NCAM2: variants seen among roughly 807,000 people sequenced by gnomAD.
NCAM2 encodes the protein N-CAM-2.
A neutral mutation model predicts 98.1 loss-of-function variants in NCAM2; 30 were observed. The observed-to-expected ratio is 0.31, with a 90% CI of 0.23 to 0.41. The LOEUF is 0.41. Among genes scored for constraint, NCAM2 ranks in the 10% least tolerant of loss-of-function variants. The pLI is 1.00. For missense variants in NCAM2, 867 were observed against 1,005.8 expected (o/e 0.86, Z 1.87); for synonymous variants, 368 against 342.4 (o/e 1.07, Z -0.83).
intron 16 of NCAM2, among the ~76,000 whole-genome samples, chr21:21,533,222 T>TC (rs545836201): frequency 1.9e-3 from 250 of 134,568 alleles, no homozygotes; most frequent in African/African-American, 6.6e-3. Flanking sequence ...AATTTTAATA[T>TC]CCTATATCCA....
intron 1 of NCAM2, among the ~76,000 whole-genome samples, chr21:21,146,546 G>GATAT (rs201917811): frequency 0.021 from 1,074 of 50,360 alleles, 10 homozygotes; most frequent in African/African-American, 0.037. Flanking sequence ...ATACTTACAG[G>GATAT]ATATATATAT....
chr21:21,088,236 C>G (rs977278322), intron 1 of NCAM2, among the ~76,000 whole-genome samples: 2 of 152,086 alleles, frequency 1.3e-5, no homozygotes, highest in Admixed American at 6.5e-5. Context: ...GCATCATATC[C>G]TTTTTAAGCC....
intron 1 of NCAM2, among the ~76,000 whole-genome samples, chr21:21,020,471 C>T (rs528058214): frequency 6.6e-6 from 1 of 152,328 alleles, no homozygotes; most frequent in South Asian, 2.1e-4. Flanking sequence ...TTCTCTTCAT[C>T]TGTAACTCAC....
chr21:21,365,976 G>A (rs1157856141), intron 8 of NCAM2, among the ~76,000 whole-genome samples: 1 of 192 alleles, frequency 5.2e-3, no homozygotes, highest in East Asian at 0.17. Flanking sequence ...TCCCGTTTTA[G>A]GCAGGAAAAA....
chr21:21,396,486 C>G (rs1255886258), intron 9 of NCAM2, among the ~76,000 whole-genome samples: 1 of 152,092 alleles, frequency 6.6e-6, no homozygotes, highest in Non-Finnish European at 1.5e-5. Flanking sequence ...CTGGTAGTAC[C>G]TCTGCTTGGG....
intron 1 of NCAM2, chr21:21,223,665 T>C (rs2147145616): frequency 6.6e-6 from 1 of 152,268 alleles, no homozygotes; most frequent in South Asian, 2.1e-4. Context: ...TGTTATGTGA[T>C]ATATAGCAGA....
chr21:21,044,839 T>C (rs8134456), intron 1 of NCAM2, among the ~76,000 whole-genome samples: 141,526 of 151,938 alleles, frequency 0.93, 66,738 homozygotes, highest in East Asian at 1. Flanking sequence ...GTGGCGTGCA[T>C]CTGTGGTTCT....
At chr21:21,244,518 C>A (rs567594843) in intron 1 of NCAM2, among the ~76,000 whole-genome samples, 1 of 151,950 alleles carries the variant, frequency 6.6e-6, no homozygotes, top group Admixed American at 6.6e-5. Flanking sequence ...TTATCATATA[C>A]GTTGTATATT....
chr21:21,495,595 T>C (rs1255116479), intron 15 of NCAM2, among the ~76,000 whole-genome samples: 1 of 152,068 alleles, frequency 6.6e-6, no homozygotes, highest in Non-Finnish European at 1.5e-5. Context: ...TATTTATTTG[T>C]TACTGAATTC....
chr21:21,247,252 G>A (rs1216857054), intron 1 of NCAM2, among the ~76,000 whole-genome samples: 1 of 152,100 alleles, frequency 6.6e-6, no homozygotes, highest in Non-Finnish European at 1.5e-5. Context: ...CCGGGAGGCG[G>A]AGCTTGCAGT....
At chr21:21,313,439 T>C (rs951320527) in intron 5 of NCAM2, among the ~76,000 whole-genome samples, 1 of 151,970 alleles carries the variant, frequency 6.6e-6, no homozygotes, top group African/African-American at 2.4e-5. Context: ...TTTTTATCAT[T>C]ATGTAATATT....
rs868521389 is a variant in NCAM2, at chr21:21,479,616, T to C, written c.2077+2145T>C. Among the ~76,000 whole-genome samples the C allele has an allele frequency of 7.0e-3, 799 of 114,650 alleles. 6 individuals are homozygous for C. The highest frequency in any genetic ancestry group is 0.023 in the African/African-American group (768 of 33,862). The allele number at this position is 114,650 out of a possible 152,430, so 75.2% of individuals were successfully genotyped here. A position where few individuals can be genotyped will look rare whatever the true frequency, so the allele number is the denominator to read the frequency against. On this transcript the variant is annotated intron_variant, in intron 15 of 17. Coordinates refer to ENST00000400546, the MANE Select transcript of NCAM2 (RefSeq NM_004540.5). ...AAAAAAAAAAAAAAAAAATTGTTGATGATAAAAACCAACAATACGTGTAGA... is the reference window on the plus strand; with the variant it reads ...AAAAAAAAAAAAAAAAAATTGTTGACGATAAAAACCAACAATACGTGTAGA...
intron 15 of NCAM2, among the ~76,000 whole-genome samples, chr21:21,495,315 T>G (rs1331799973): frequency 6.6e-6 from 1 of 152,064 alleles, no homozygotes; most frequent in African/African-American, 2.4e-5. Flanking sequence ...CTGAGTCTAT[T>G]TAATTCTTCA....
intron 11 of NCAM2, among the ~76,000 whole-genome samples, chr21:21,430,163 G>A: frequency 6.6e-6 from 1 of 151,702 alleles, no homozygotes; most frequent in East Asian, 2.0e-4. Context: ...CAAGCAGCTG[G>A]AATCACAGGC....
At chr21:21,493,534 A>C (rs1468190907) in intron 15 of NCAM2, among the ~76,000 whole-genome samples, 1 of 151,920 alleles carries the variant, frequency 6.6e-6, no homozygotes, top group Non-Finnish European at 1.5e-5. Context: ...CACTTGATGA[A>C]CCCACAGTGG....
chr21:21,257,710 G>A (rs949410745), intron 1 of NCAM2, among the ~76,000 whole-genome samples: 1 of 151,932 alleles, frequency 6.6e-6, no homozygotes, highest in African/African-American at 2.4e-5. Flanking sequence ...AACCTCCTGA[G>A]TAGCTGGGGT....
At chr21:21,500,528 A>T (rs1419055045) in intron 15 of NCAM2, among the ~76,000 whole-genome samples, 1 of 124,468 alleles carries the variant, frequency 8.0e-6, no homozygotes, top group African/African-American at 2.6e-5. Context: ...GTAAATCAAA[A>T]TTTTCATTTT....
At chr21:21,041,362 A>G (rs1329987315) in intron 1 of NCAM2, among the ~76,000 whole-genome samples, 3 of 152,228 alleles carry the variant, frequency 2.0e-5, no homozygotes, top group South Asian at 4.1e-4. Context: ...CATTAATTGT[A>G]TAAGTAGCTG....
chr21:21,507,874 A>T (rs1733469509), intron 15 of NCAM2, among the ~76,000 whole-genome samples: 1 of 151,258 alleles, frequency 6.6e-6, no homozygotes, highest in African/African-American at 2.4e-5. Flanking sequence ...CTATCAAATT[A>T]TATTTCTTCC....
Sources: allele counts gnomAD v4.1 joint callset (sites outside exome capture counted in the v4.1 genomes callset), GRCh38; gene constraint gnomAD v4.1.1; transcripts MANE v1.5; gene names NCBI Gene and HGNC (gene_info 2026-07-23, HGNC 2026-07-21).